The following PRKG1 variants were observed in gnomAD, a reference collection of about 807,000 sequenced individuals.
The protein encoded by PRKG1 is protein kinase cGMP-dependent 1.
PRKG1 carries 35 observed loss-of-function variants against 88.1 expected under a neutral mutation model. The ratio of observed to expected loss-of-function variants is 0.40; its 90% confidence interval spans 0.30 to 0.53. The LOEUF (loss-of-function observed/expected upper bound fraction) is 0.53, where lower values mean the gene tolerates loss of function less well. PRKG1 is among the 20% of genes least tolerant of loss of function. The probability of loss-of-function intolerance (pLI) is 0.59; values close to 1 mark genes in which losing one functional copy is unlikely to be tolerated. For missense variants in PRKG1, 540 were observed against 839.8 expected, an observed-to-expected ratio of 0.64 and a Z score of 4.41; for synonymous variants, 303 against 292.5, an observed-to-expected ratio of 1.04 and a Z score of -0.37.
rs913151254 is a variant in PRKG1 at position 51,074,704 on chromosome 10, G to C, written c.114G>C (p.Leu38=). ...TGGAGTTGGATCAGAAGGACGAACT[G>C]ATCCAGAAGCTGCAGAACGAGCTGG... ...LELELDQKDE[L]IQKLQNELDK... Residue 38 remains leucine, a synonymous_variant, in exon 1 of 18, where the codon CTG becomes CTC. Coordinates refer to ENST00000373980, the MANE Select transcript of PRKG1 (RefSeq NM_006258.4). 13 of 1,613,994 alleles carry C rather than the reference G, an allele frequency of 8.1e-6. No individual in the cohort carries two copies. In the East Asian group the frequency reaches 8.9e-5, roughly 11 times the overall value.
At chr10:51,969,922 A>G (rs935899016) in intron 5 of PRKG1, among the ~76,000 whole-genome samples, 3 of 151,846 alleles carry the variant, frequency 2.0e-5, no homozygotes, top group East Asian at 1.9e-4. Context: ...TTAAAACAGT[A>G]TAAAGAATAC....
At chr10:51,688,429 G>A (rs1332660636) in intron 3 of PRKG1, among the ~76,000 whole-genome samples, 3 of 152,090 alleles carry the variant, frequency 2.0e-5, no homozygotes, top group Non-Finnish European at 4.4e-5. Flanking sequence ...ATCCCGTGGA[G>A]GTTAAAGGGA....
intron 3 of PRKG1, among the ~76,000 whole-genome samples, chr10:51,587,864 G>C (rs745572103): frequency 2.6e-5 from 4 of 152,174 alleles, no homozygotes; most frequent in Non-Finnish European, 5.9e-5. Context: ...GATTATGTAA[G>C]AGACAATGGA....
intron 9 of PRKG1, among the ~76,000 whole-genome samples, chr10:52,218,524 C>A (rs567601956): frequency 1.1e-4 from 17 of 151,922 alleles, no homozygotes; most frequent in African/African-American, 4.1e-4. Flanking sequence ...ATAAACTTAC[C>A]CAACTGTATG....
chr10:51,795,947 C>A (rs1475305020), intron 3 of PRKG1, among the ~76,000 whole-genome samples: 1 of 152,028 alleles, frequency 6.6e-6, no homozygotes, highest in African/African-American at 2.4e-5. Flanking sequence ...AAATAATTCA[C>A]TCAGGAATTC....
At chr10:51,209,600 G>A (rs1367074560) in intron 2 of PRKG1, among the ~76,000 whole-genome samples, 1 of 152,006 alleles carries the variant, frequency 6.6e-6, no homozygotes, top group African/African-American at 2.4e-5. Context: ...AAAGTAACAT[G>A]GGTTTAATTT....
intron 9 of PRKG1, among the ~76,000 whole-genome samples, chr10:52,177,467 C>A (rs1838896675): frequency 2.0e-5 from 3 of 151,998 alleles, no homozygotes; most frequent in African/African-American, 7.2e-5. Flanking sequence ...AGATTAATTT[C>A]TTGATTGTGT....
At chr10:51,916,536 A>G (rs1842343766) in intron 5 of PRKG1, among the ~76,000 whole-genome samples, 1 of 152,160 alleles carries the variant, frequency 6.6e-6, no homozygotes, top group Non-Finnish European at 1.5e-5. Context: ...TTACTTTCTT[A>G]ATACACTTGC....
At chr10:51,776,924 C>G (rs1313478969) in intron 3 of PRKG1, among the ~76,000 whole-genome samples, 1 of 152,072 alleles carries the variant, frequency 6.6e-6, no homozygotes, top group East Asian at 1.9e-4. Context: ...AAATCCTATG[C>G]CACGGAAGAC....
chr10:51,475,708 A>T (rs2132833508), intron 3 of PRKG1, among the ~76,000 whole-genome samples: 1 of 152,152 alleles, frequency 6.6e-6, no homozygotes, highest in South Asian at 2.1e-4. Flanking sequence ...CTTTTGAAGA[A>T]TAGTGAGAAG....
chr10:51,607,306 C>T (rs549931823), intron 3 of PRKG1, among the ~76,000 whole-genome samples: 6 of 152,268 alleles, frequency 3.9e-5, no homozygotes, highest in African/African-American at 1.4e-4. Flanking sequence ...ACAGGGCTGG[C>T]AAACCTTTTC....
chr10:51,268,313 T>G (rs1027390994), intron 2 of PRKG1, among the ~76,000 whole-genome samples: 1 of 152,100 alleles, frequency 6.6e-6, no homozygotes, highest in Non-Finnish European at 1.5e-5. Flanking sequence ...GAGCAACTGG[T>G]CTGACCACAA....
chr10:52,245,767 T>A (rs905176087), intron 9 of PRKG1, among the ~76,000 whole-genome samples: 5 of 141,834 alleles, frequency 3.5e-5, no homozygotes, highest in African/African-American at 1.4e-4. Context: ...ATTTATTTAT[T>A]TATTTATTTA....
At chr10:51,601,353 C>T (rs1343646439) in intron 3 of PRKG1, among the ~76,000 whole-genome samples, 3 of 151,930 alleles carry the variant, frequency 2.0e-5, no homozygotes, top group East Asian at 1.9e-4. Context: ...TTTAGAAAGG[C>T]GAAGGGAGGA....
intron 3 of PRKG1, among the ~76,000 whole-genome samples, chr10:51,776,566 T>C (rs1417085907): frequency 6.6e-6 from 1 of 152,200 alleles, no homozygotes; most frequent in East Asian, 1.9e-4. Context: ...GGTTCATGCC[T>C]GTAAACCCAG....
At position 52,133,837 on chromosome 10, in the gene PRKG1, T is replaced by C. The variant is rs771642369; in HGVS notation, c.936-3T>C. ...TATTTGAATGTCTCTATTTTTCACATAGGGAAGATGTGAGAACAGCAAACG... is the reference window on the plus strand; with the variant it reads ...TATTTGAATGTCTCTATTTTTCACACAGGGAAGATGTGAGAACAGCAAACG... On this transcript the variant is annotated splice_polypyrimidine_tract_variant and splice_region_variant and intron_variant, in intron 7 of 17. Transcript: ENST00000373980. 4 of 1,611,822 alleles carry C rather than the reference T, an allele frequency of 2.5e-6. No individual in the cohort carries two copies. In the Admixed American group the frequency reaches 6.7e-5, roughly 27 times the overall value.
intron 14 of PRKG1, among the ~76,000 whole-genome samples, chr10:52,283,991 G>C (rs1466403572): frequency 2.0e-5 from 3 of 151,762 alleles, no homozygotes; most frequent in African/African-American, 7.3e-5. Context: ...TACAATCATT[G>C]TTTATTCATT....
intron 2 of PRKG1, among the ~76,000 whole-genome samples, chr10:51,394,615 T>C (rs1218261307): frequency 1.3e-5 from 2 of 152,240 alleles, no homozygotes; most frequent in Admixed American, 1.3e-4. Flanking sequence ...AGGGAAATGC[T>C]GAATCTCACT....
intron 1 of PRKG1, among the ~76,000 whole-genome samples, chr10:51,083,572 G>A (rs1728210823): frequency 6.6e-6 from 1 of 151,226 alleles, no homozygotes; most frequent in African/African-American, 2.4e-5. Flanking sequence ...CGTGAGCTCA[G>A]GCTGAGGAGT....
Sources: gnomAD v4.1 joint callset for allele counts (sites outside exome capture counted in the v4.1 genomes callset) on GRCh38, gnomAD v4.1.1 for gene constraint, MANE v1.5 for transcripts, NCBI Gene and HGNC (gene_info 2026-07-23, HGNC 2026-07-21) for gene names.